Variants in GLRX3 observed in about 807,000 individuals in gnomAD.
The protein encoded by GLRX3 is glutaredoxin-3.
GLRX3 carries 22 observed loss-of-function variants against 49.5 expected under a neutral mutation model. The observed-to-expected ratio is 0.44, with a 90% confidence interval of 0.32 to 0.63. GLRX3 has a LOEUF of 0.63. GLRX3 is among the 30% of genes least tolerant of loss of function. The probability of loss-of-function intolerance (pLI) is 0.05; values close to 1 mark genes in which losing one functional copy is unlikely to be tolerated. For missense variants in GLRX3, 385 were observed against 396.3 expected (o/e 0.97, Z 0.24); for synonymous variants, 133 against 140.0 (o/e 0.95, Z 0.35).
chr10:130,165,401 A>G (rs1440023961), intron 4 of GLRX3, among the ~76,000 whole-genome samples: 3 of 149,928 alleles, frequency 2.0e-5, no homozygotes, highest in Non-Finnish European at 4.4e-5. Flanking sequence ...TGTCATAATA[A>G]GATGATGTCA....
intron 2 of GLRX3, among the ~76,000 whole-genome samples, chr10:130,150,951 A>G (rs1862365264): frequency 6.7e-6 from 1 of 148,452 alleles, no homozygotes; most frequent in African/African-American, 2.5e-5. Flanking sequence ...TTTTTGAGAC[A>G]GAGTCTCACT....
In GLRX3 at chr10:130,156,052, C is replaced by T. The variant is rs147665612; in HGVS notation, c.202-3943C>T. ...GCTCCAGAGACACACTGTCTGCCTA[C>T]ATCACTCAACAGGTTTGTAATTGTC... On this transcript the variant is annotated intron_variant, in intron 2 of 10. Transcript: ENST00000331244. Among the ~76,000 whole-genome samples, 332 of 152,314 alleles carry T rather than the reference C, an allele frequency of 2.2e-3. 2 individuals carry two copies. Among genetic ancestry groups the T allele is most frequent in the African/African-American group, 7.6e-3 (315 of 41,564 alleles).
intron 2 of GLRX3, among the ~76,000 whole-genome samples, chr10:130,150,677 T>C (rs1234113882): frequency 6.6e-6 from 1 of 152,216 alleles, no homozygotes; most frequent in African/African-American, 2.4e-5. Flanking sequence ...TGTACAATCA[T>C]TATAAATGTA....
chr10:130,173,878 C>T (rs142234212), intron 8 of GLRX3, among the ~76,000 whole-genome samples: 1 of 152,242 alleles, frequency 6.6e-6, no homozygotes, highest in African/African-American at 2.4e-5. Context: ...TCCTTGGGAA[C>T]TTGTTTACTA....
chr10:130,139,757 A>ATC (rs1862139404), intron 1 of GLRX3, among the ~76,000 whole-genome samples: 1 of 151,068 alleles, frequency 6.6e-6, no homozygotes, highest in Admixed American at 6.6e-5. Flanking sequence ...CATAGAACCC[A>ATC]TCTCTACAAA....
chr10:130,163,001 CTTTA>C (rs1206143077), intron 4 of GLRX3, among the ~76,000 whole-genome samples: 2 of 152,104 alleles, frequency 1.3e-5, no homozygotes, highest in African/African-American at 4.8e-5. Flanking sequence ...TTACCTTTTA[CTTTA>C]TTAAACTGAA....
intron 7 of GLRX3, 108 bp downstream of exon 7, chr10:130,169,598 A>G (rs963695066): frequency 2.7e-6 from 2 of 746,782 alleles, no homozygotes; most frequent in East Asian, 5.2e-5. Context: ...AGCTGTAGCG[A>G]TATCAGGAAG....
At chr10:130,139,147 G>A (rs975887665) in intron 1 of GLRX3, among the ~76,000 whole-genome samples, 4 of 152,014 alleles carry the variant, frequency 2.6e-5, no homozygotes, top group South Asian at 2.1e-4. Flanking sequence ...GAGCCACTGC[G>A]CCCGGCCAAA....
chr10:130,145,552 T>C (rs918751466), intron 2 of GLRX3, among the ~76,000 whole-genome samples: 4 of 151,926 alleles, frequency 2.6e-5, no homozygotes, highest in South Asian at 2.1e-4. Flanking sequence ...ATCCCAGCTA[T>C]GTGGGAGGCT....
At chr10:130,140,592 A>T (rs998490698) in intron 1 of GLRX3, among the ~76,000 whole-genome samples, 3 of 152,166 alleles carry the variant, frequency 2.0e-5, no homozygotes, top group African/African-American at 7.2e-5. Flanking sequence ...TGTTTTACAG[A>T]TGTGGAAGTT....
chr10:130,164,608 TTAAA>T (rs1190936769), intron 4 of GLRX3, among the ~76,000 whole-genome samples: 1 of 152,196 alleles, frequency 6.6e-6, no homozygotes, highest in African/African-American at 2.4e-5. Flanking sequence ...TTTTCTACAT[TTAAA>T]TATTTTTATT....
In GLRX3 at chr10:130,161,056, T is replaced by A. The variant is rs1379276491; in HGVS notation, c.478+59T>A. 6 of 1,131,398 alleles carry A rather than the reference T, an allele frequency of 5.3e-6. No individual in the cohort carries two copies. In the East Asian group the frequency reaches 1.4e-4, roughly 26 times the overall value. The allele number at this position is 1,131,398 out of a possible 1,614,324, so 70.1% of individuals were successfully genotyped here. On this transcript the variant is annotated intron_variant, in intron 4 of 10. Transcript: ENST00000331244. ...ATGGGTGCTTTCCCAGAATGGGGTATGGTTGAGATGGGCATCCTGTTTCCA... is the reference window on the plus strand; with the variant it reads ...ATGGGTGCTTTCCCAGAATGGGGTAAGGTTGAGATGGGCATCCTGTTTCCA...
At chr10:130,151,778 G>C (rs755738659) in intron 2 of GLRX3, among the ~76,000 whole-genome samples, 2 of 152,042 alleles carry the variant, frequency 1.3e-5, no homozygotes, top group Admixed American at 6.6e-5. Context: ...ATTATTGTTG[G>C]TTTAAAGTCT....
chr10:130,161,075 G>A (rs1438173241), intron 4 of GLRX3, 78 bp downstream of exon 4: 1 of 930,808 alleles, frequency 1.1e-6, no homozygotes, highest in Non-Finnish European at 1.8e-6. Context: ...TGGGCATCCT[G>A]TTTCCAAGGA....
At chr10:130,148,433 C>CTTTTTT (rs57482969) in intron 2 of GLRX3, among the ~76,000 whole-genome samples, 8 of 70,582 alleles carry the variant, frequency 1.1e-4, no homozygotes, top group South Asian at 5.9e-4. Flanking sequence ...GCCCTTCAGT[C>CTTTTTT]TTTTTTTTTT....
intron 8 of GLRX3, among the ~76,000 whole-genome samples, chr10:130,173,345 C>G (rs577667334): frequency 6.6e-6 from 1 of 152,302 alleles, no homozygotes; most frequent in African/African-American, 2.4e-5. Context: ...CATGACCTCC[C>G]AGCTCTGGAC....
chr10:130,154,106 G>C (rs965487023), intron 2 of GLRX3, among the ~76,000 whole-genome samples: 1 of 152,218 alleles, frequency 6.6e-6, no homozygotes, highest in Non-Finnish European at 1.5e-5. Context: ...CGCTGGCAGC[G>C]AGCAAGGCTC....
chr10:130,136,585 C>T, intron 1 of GLRX3, 73 bp downstream of exon 1: 1 of 1,237,858 alleles, frequency 8.1e-7, no homozygotes. Context: ...CGGTGTGGGG[C>T]GGCGGGTGGC....
intron 6 of GLRX3, among the ~76,000 whole-genome samples, chr10:130,167,729 A>G (rs929032980): frequency 3.9e-5 from 6 of 152,166 alleles, no homozygotes; most frequent in African/African-American, 1.4e-4. Flanking sequence ...GAGAATTTCT[A>G]AAAGTGTTTA....
Sources: gnomAD v4.1 joint callset for allele counts (sites outside exome capture counted in the v4.1 genomes callset) on GRCh38, gnomAD v4.1.1 for gene constraint, MANE v1.5 for transcripts, NCBI Gene and HGNC (gene_info 2026-07-23, HGNC 2026-07-21) for gene names.